CAMTA1: variants seen among roughly 807,000 people sequenced by gnomAD.
CAMTA1 encodes the protein calmodulin-binding transcription activator 1.
A neutral mutation model predicts 170.9 loss-of-function variants in CAMTA1; 27 were observed. The ratio of observed to expected loss-of-function variants is 0.16; its 90% CI spans 0.12 to 0.22. The LOEUF (loss-of-function observed/expected upper bound fraction) is 0.22, where lower values mean the gene tolerates loss of function less well. Ranked by LOEUF, CAMTA1 falls within the 10% of genes least tolerant of loss-of-function variation. The probability of loss-of-function intolerance (pLI) is 1.00; values close to 1 mark genes in which losing one functional copy is unlikely to be tolerated. For missense variants in CAMTA1, 1,619 were observed against 2,217.2 expected, an observed-to-expected ratio of 0.73 and a Z score of 5.42; for synonymous variants, 833 against 891.5, an observed-to-expected ratio of 0.93 and a Z score of 1.17.
Position 7,602,142 on chromosome 1 carries a change from TCCTC to T in CAMTA1, c.511-38240_511-38237del, listed in dbSNP as rs1159134531. ...TTCCTTCCTTCCTTCCTTCCTTCCT[TCCTC>T]CCTCCCTCCCTCCCTCCTCCCTTCC... On this transcript the variant is annotated intron_variant, in intron 6 of 22. Transcript: ENST00000303635. Among the ~76,000 whole-genome samples the T allele has an allele frequency of 2.5e-3, 220 of 87,364 alleles. 3 individuals carry two copies. Among genetic ancestry groups the T allele is most frequent in the African/African-American group, 9.6e-3 (192 of 19,972 alleles). 57.3% of individuals were successfully genotyped at this position (87,364 alleles called of 152,430 possible).
intron 1 of CAMTA1, among the ~76,000 whole-genome samples, chr1:6,790,938 T>G (rs1427627329): frequency 2.0e-5 from 3 of 152,210 alleles, no homozygotes; most frequent in African/African-American, 7.2e-5. Context: ...ATTCTGCTAC[T>G]ATTTCACTCT....
chr1:7,500,589 G>A (rs35325099), intron 6 of CAMTA1, among the ~76,000 whole-genome samples: 4 of 151,970 alleles, frequency 2.6e-5, no homozygotes, highest in Admixed American at 6.5e-5. Context: ...GGGTGGGCCC[G>A]TGGGTCCTGC....
At position 7,349,077 on chromosome 1, in the gene CAMTA1, C is replaced by A. The variant is rs575814391; in HGVS notation, c.438+99451C>A. Among the ~76,000 whole-genome samples, 24 of 152,244 alleles carry A rather than the reference C, an allele frequency of 1.6e-4. No homozygotes were observed. In the South Asian group the frequency reaches 2.1e-3, roughly 13 times the overall value. ...TTCCATCCCAGGGCATATTGTGTCC[C>A]CGTGCTATGGGCTTAAGACGGCAAA... On this transcript the variant is annotated intron_variant, in intron 5 of 22. Coordinates refer to ENST00000303635, the MANE Select transcript of CAMTA1 (RefSeq NM_015215.4).
chr1:7,732,946 C>T lies in CAMTA1; in HGVS notation c.3066+347C>T, dbSNP rs191410279. Reference sequence around the variant, plus strand: ...TGGTGGCTCACGCCTATAATCCCAGCGCTGTAGGAGGCCAAGACGGGAGGA... The same window carrying T: ...TGGTGGCTCACGCCTATAATCCCAGTGCTGTAGGAGGCCAAGACGGGAGGA... On this transcript the variant is annotated intron_variant, in intron 12 of 22. Coordinates refer to ENST00000303635, the MANE Select transcript of CAMTA1 (RefSeq NM_015215.4). This position sits in a 1 kb window ranked among gnomAD's most constrained non-coding sequence, Gnocchi z 4.1. Among the ~76,000 whole-genome samples the T allele has an allele frequency of 2.6e-5, 4 of 152,230 alleles. No individual in the cohort carries two copies. The highest frequency in any genetic ancestry group is 9.6e-5 in the African/African-American group (4 of 41,518).
intron 1 of CAMTA1, among the ~76,000 whole-genome samples, chr1:6,790,375 A>AGAGAGTGTGTGT (rs951990612): frequency 4.3e-5 from 6 of 139,128 alleles, no homozygotes; most frequent in Admixed American, 2.2e-4. Context: ...AGAGAGAGAG[A>AGAGAGTGTGTGT]GTGTGTGTGT....
chr1:6,966,401 C>G (rs1691557869), intron 3 of CAMTA1, among the ~76,000 whole-genome samples: 1 of 152,066 alleles, frequency 6.6e-6, no homozygotes, highest in Non-Finnish European at 1.5e-5. Flanking sequence ...TATTGATTTG[C>G]TGCCTCTGGT....
At chr1:7,755,541 T>C (rs1480518002) in intron 21 of CAMTA1, 97 bp from the exon 22 acceptor site, 2 of 941,266 alleles carry the variant, frequency 2.1e-6, no homozygotes, top group African/African-American at 3.2e-5. Flanking sequence ...AAAGAAACCA[T>C]GTTATATTCT....
chr1:7,736,784 G>A lies in CAMTA1; in HGVS notation c.3264-147G>A, dbSNP rs1035338487. 32 of 721,784 alleles carry A rather than the reference G, an allele frequency of 4.4e-5. No homozygotes were observed. The highest frequency in any genetic ancestry group is 8.1e-5 in the East Asian group (3 of 37,086). 44.7% of individuals were successfully genotyped at this position (721,784 alleles called of 1,614,324 possible). On this transcript the variant is annotated intron_variant, in intron 13 of 22. Coordinates refer to ENST00000303635, the MANE Select transcript of CAMTA1 (RefSeq NM_015215.4). The surrounding 1 kb of genome is among the most constrained non-coding windows in gnomAD (Gnocchi z 4.5). The stretch of plus-strand genomic sequence containing the variant: ...CTTTGGACCCCTAGCCAAATGGAGC[G>A]TCCACACTGCCCTGGGACTCTGTTT...
rs1001067646 is a variant in CAMTA1 at position 7,052,475 on chromosome 1, G to A, written c.235-38829G>A. On this transcript the variant is annotated intron_variant, in intron 3 of 22. Coordinates refer to ENST00000303635, the MANE Select transcript of CAMTA1 (RefSeq NM_015215.4). The stretch of plus-strand genomic sequence containing the variant: ...CTCCCAGTGTCTACAGTCCAGCCAC[G>A]CCTCAACACCAGAATCCAGGGACCC... Among the ~76,000 whole-genome samples the A allele has an allele frequency of 5.3e-5, 8 of 152,042 alleles. No individual in the cohort carries two copies. In the East Asian group the frequency reaches 1.2e-3, roughly 22 times the overall value.
intron 4 of CAMTA1, among the ~76,000 whole-genome samples, chr1:7,121,826 G>A (rs1163300714): frequency 6.6e-6 from 1 of 152,058 alleles, no homozygotes; most frequent in Non-Finnish European, 1.5e-5. Flanking sequence ...CCGCGAGGGG[G>A]GTGCCACGTG....
At chr1:7,240,381 G>T (rs915770039) in intron 4 of CAMTA1, among the ~76,000 whole-genome samples, 1 of 152,026 alleles carries the variant, frequency 6.6e-6, no homozygotes, top group African/African-American at 2.4e-5. Context: ...CCAACAATGA[G>T]CAATTAGTTT....
chr1:6,797,331 G>T (rs1642764614), intron 1 of CAMTA1, among the ~76,000 whole-genome samples: 1 of 151,990 alleles, frequency 6.6e-6, no homozygotes, highest in African/African-American at 2.4e-5. Flanking sequence ...AAAGTGCTGG[G>T]ATGACAAGCA....
At chr1:7,172,158 CTT>C (rs780671382) in intron 4 of CAMTA1, among the ~76,000 whole-genome samples, 4 of 147,306 alleles carry the variant, frequency 2.7e-5, no homozygotes, top group Admixed American at 2.0e-4. Flanking sequence ...TGTGACTTCT[CTT>C]TTTTTTTTTG....
intron 3 of CAMTA1, among the ~76,000 whole-genome samples, chr1:6,996,010 G>A (rs867862301): frequency 1.3e-4 from 20 of 152,224 alleles, no homozygotes; most frequent in South Asian, 4.1e-4. Flanking sequence ...CGGGTGTGGC[G>A]TGGGCTTCAG....
chr1:7,049,050 G>T (rs185982023), intron 3 of CAMTA1, among the ~76,000 whole-genome samples: 1 of 152,306 alleles, frequency 6.6e-6, no homozygotes, highest in Non-Finnish European at 1.5e-5. Flanking sequence ...TCCCTGATAC[G>T]GTACATGAGG....
chr1:6,964,206 G>T (rs1355959666), intron 3 of CAMTA1, among the ~76,000 whole-genome samples: 1 of 152,108 alleles, frequency 6.6e-6, no homozygotes, highest in African/African-American at 2.4e-5. Flanking sequence ...GGGCCTGGGT[G>T]CCTGGGTAGG....
intron 5 of CAMTA1, among the ~76,000 whole-genome samples, chr1:7,375,079 CTG>C (rs936084211): frequency 2.0e-5 from 3 of 152,188 alleles, no homozygotes; most frequent in African/African-American, 7.2e-5. Flanking sequence ...AGATGAAACA[CTG>C]TTTCGTTTCT....
At chr1:7,563,382 G>T (rs1357343771) in intron 6 of CAMTA1, among the ~76,000 whole-genome samples, 2 of 152,192 alleles carry the variant, frequency 1.3e-5, no homozygotes, top group East Asian at 3.9e-4. Flanking sequence ...AGATGGTCAG[G>T]ACTGAGACCT....
At chr1:7,235,355 A>T (rs1038426460) in intron 4 of CAMTA1, among the ~76,000 whole-genome samples, 3 of 152,124 alleles carry the variant, frequency 2.0e-5, no homozygotes, top group African/African-American at 7.2e-5. Flanking sequence ...GGCCGGGCGC[A>T]TGGCTCACCC....
Sources: gnomAD v4.1 joint callset for allele counts (sites outside exome capture counted in the v4.1 genomes callset) on GRCh38, gnomAD v4.1.1 for gene constraint, Gnocchi (gnomAD v3.1) non-coding constraint, MANE v1.5 for transcripts, NCBI Gene and HGNC (gene_info 2026-07-23, HGNC 2026-07-21) for gene names.